Variants in BMPR1B observed in about 807,000 individuals in gnomAD.
The protein encoded by BMPR1B is bone morphogenetic protein receptor type 1B.
BMPR1B carries 12 observed loss-of-function variants against 59.1 expected under a neutral mutation model. The ratio of observed to expected loss-of-function variants is 0.20; its 90% confidence interval spans 0.13 to 0.33. BMPR1B has a LOEUF of 0.33. Among genes scored for constraint, BMPR1B ranks in the 10% least tolerant of loss-of-function variants. The pLI is 1.00. For synonymous variants in BMPR1B, 237 were observed against 207.3 expected, an observed-to-expected ratio of 1.14 and a Z score of -1.23; for missense variants, 550 against 610.9, an observed-to-expected ratio of 0.90 and a Z score of 1.05.
intron 3 of BMPR1B, among the ~76,000 whole-genome samples, chr4:95,062,282 A>G (rs778908158): frequency 3.9e-5 from 6 of 152,202 alleles, no homozygotes; most frequent in Admixed American, 3.3e-4. Context: ...CTCAGAACTG[A>G]TAACTTCTGC....
chr4:94,974,270 C>G (rs1251673644), intron 2 of BMPR1B, among the ~76,000 whole-genome samples: 1 of 152,076 alleles, frequency 6.6e-6, no homozygotes, highest in African/African-American at 2.4e-5. Context: ...ACACTTTCTT[C>G]TATTTCTAAA....
intron 2 of BMPR1B, among the ~76,000 whole-genome samples, chr4:94,952,607 G>A (rs1433338861): frequency 1.3e-5 from 2 of 152,134 alleles, no homozygotes; most frequent in Non-Finnish European, 2.9e-5. Flanking sequence ...TAATTTGATC[G>A]CAATGTGGTC....
At chr4:95,077,073 A>G (rs1262322450) in intron 3 of BMPR1B, among the ~76,000 whole-genome samples, 1 of 152,164 alleles carries the variant, frequency 6.6e-6, no homozygotes, top group African/African-American at 2.4e-5. Context: ...GAGATCAGAG[A>G]GTATTACAGT....
intron 2 of BMPR1B, among the ~76,000 whole-genome samples, chr4:94,911,274 A>G (rs1178532950): frequency 6.6e-6 from 1 of 152,176 alleles, no homozygotes; most frequent in Admixed American, 6.6e-5. Context: ...AAATTAAAAC[A>G]TAGTGTGAAA....
chr4:94,827,801 AGTT>A (rs958033318), intron 1 of BMPR1B, among the ~76,000 whole-genome samples: 2 of 152,186 alleles, frequency 1.3e-5, no homozygotes, highest in African/African-American at 4.8e-5. Context: ...GAAAGAGAAA[AGTT>A]GTCAGATAAA....
intron 1 of BMPR1B, among the ~76,000 whole-genome samples, chr4:94,787,499 C>T (rs911493641): frequency 2.0e-5 from 3 of 152,138 alleles, no homozygotes; most frequent in East Asian, 1.9e-4. Flanking sequence ...TGAGAGGAGT[C>T]GAAGTGAACA....
chr4:95,155,160 G>T lies in BMPR1B; in HGVS notation c.*487G>T, dbSNP rs183245717. On this transcript the variant is annotated 3_prime_UTR_variant, in exon 13 of 13. Coordinates refer to ENST00000515059, the MANE Select transcript of BMPR1B (RefSeq NM_001203.3). ...GTGAACCAAAAGACAGTCTAAGTTG[G>T]AGGACATAGAACGGAACTCATCTTA... 685 of 174,514 alleles carry T rather than the reference G, an allele frequency of 3.9e-3. 5 individuals are homozygous for T. The highest frequency in any genetic ancestry group is 0.016 in the African/African-American group (650 of 41,736). 10.8% of individuals were successfully genotyped at this position (174,514 alleles called of 1,614,324 possible).
chr4:94,975,206 T>G (rs540794377), intron 2 of BMPR1B, among the ~76,000 whole-genome samples: 6 of 152,222 alleles, frequency 3.9e-5, no homozygotes, highest in Admixed American at 2.0e-4. Context: ...GAATATTGAT[T>G]GGGTGTCAAG....
At chr4:95,020,704 A>T (rs528478046) in intron 3 of BMPR1B, among the ~76,000 whole-genome samples, 238 of 151,708 alleles carry the variant, frequency 1.6e-3, no homozygotes, top group African/African-American at 5.4e-3. Context: ...TTATTTTGTT[A>T]TTAGTTTTGA....
chr4:95,017,972 C>G (rs1295964225), intron 3 of BMPR1B, among the ~76,000 whole-genome samples: 1 of 152,190 alleles, frequency 6.6e-6, no homozygotes, highest in Admixed American at 6.5e-5. Flanking sequence ...CAAAATTCCT[C>G]TCTAAAGTTT....
At chr4:94,971,080 A>T (rs563663874) in intron 2 of BMPR1B, among the ~76,000 whole-genome samples, 2 of 152,202 alleles carry the variant, frequency 1.3e-5, no homozygotes, top group African/African-American at 4.8e-5. Flanking sequence ...AGCAATATCA[A>T]TAATGATTTT....
intron 1 of BMPR1B, among the ~76,000 whole-genome samples, chr4:94,825,536 T>C (rs963623575): frequency 3.3e-5 from 5 of 151,848 alleles, no homozygotes; most frequent in Non-Finnish European, 5.9e-5. Flanking sequence ...CAAAACAAAA[T>C]AGTACCATCT....
intron 10 of BMPR1B, among the ~76,000 whole-genome samples, chr4:95,142,908 A>G (rs1734352391): frequency 6.6e-6 from 1 of 151,730 alleles, no homozygotes; most frequent in Non-Finnish European, 1.5e-5. Context: ...CATTTAATAT[A>G]TTATGAGGCT....
rs534365687 is a variant in BMPR1B, at chr4:95,122,743, A to T, written c.350-1067A>T. 8.0e-3 allele frequency among the ~76,000 whole-genome samples: 1,221 copies of T among 152,290 alleles called. 15 individuals carry two copies. Among genetic ancestry groups the T allele is most frequent in the African/African-American group, 0.027 (1,110 of 41,564 alleles). ...ACATATAATACTTCTGAGTAAAAAA[A>T]GTTACATTGAGTGGAAGAACATTCC... On this transcript the variant is annotated intron_variant, in intron 6 of 12. Transcript: ENST00000515059.
chr4:95,015,224 A>G (rs370976692), intron 3 of BMPR1B, among the ~76,000 whole-genome samples: 3 of 152,268 alleles, frequency 2.0e-5, no homozygotes, highest in South Asian at 2.1e-4. Flanking sequence ...GAAAAGAAAA[A>G]TGATCATTTA....
At chr4:94,973,741 C>T (rs553426887) in intron 2 of BMPR1B, among the ~76,000 whole-genome samples, 56 of 152,268 alleles carry the variant, frequency 3.7e-4, no homozygotes, top group African/African-American at 1.2e-3. Flanking sequence ...ATTTCTCTGC[C>T]TCCGTCCCTA....
chr4:94,990,996 T>C (rs1251064067), intron 2 of BMPR1B, among the ~76,000 whole-genome samples: 2 of 152,220 alleles, frequency 1.3e-5, no homozygotes, highest in Non-Finnish European at 2.9e-5. Context: ...ATAGAATTTA[T>C]ATACCATAAA....
At chr4:94,975,554 A>G (rs562713292) in intron 2 of BMPR1B, among the ~76,000 whole-genome samples, 1 of 150,776 alleles carries the variant, frequency 6.6e-6, no homozygotes, top group Non-Finnish European at 1.5e-5. Context: ...TATTTTTTGT[A>G]GAGGTGGGAT....
chr4:95,034,439 C>T (rs1375792346), intron 3 of BMPR1B, among the ~76,000 whole-genome samples: 1 of 151,958 alleles, frequency 6.6e-6, no homozygotes, highest in African/African-American at 2.4e-5. Context: ...CCTTCCCACC[C>T]ATCCCACAGA....
Sources: allele counts gnomAD v4.1 joint callset (sites outside exome capture counted in the v4.1 genomes callset), GRCh38; gene constraint gnomAD v4.1.1; transcripts MANE v1.5; gene names NCBI Gene and HGNC (gene_info 2026-07-23, HGNC 2026-07-21).